MKLN1: variants seen among roughly 807,000 people sequenced by gnomAD.
MKLN1 encodes the protein muskelin 1, also known as muskelin.
A neutral mutation model predicts 99.0 loss-of-function variants in MKLN1; 18 were observed. The ratio of observed to expected loss-of-function variants is 0.18; its 90% CI spans 0.13 to 0.27. The LOEUF is 0.27. Ranked by LOEUF, MKLN1 falls within the 10% of genes least tolerant of loss-of-function variation. The pLI, the probability that MKLN1 is intolerant of heterozygous loss-of-function variation, is 1.00. For missense variants in MKLN1, 621 were observed against 875.9 expected, an observed-to-expected ratio of 0.71 and a Z score of 3.67; for synonymous variants, 288 against 293.2, an observed-to-expected ratio of 0.98 and a Z score of 0.18.
At chr7:131,291,584 A>C (rs1005392365) in intron 3 of MKLN1, among the ~76,000 whole-genome samples, 2 of 15,236 alleles carry the variant, frequency 1.3e-4, no homozygotes, top group African/African-American at 2.6e-4. Flanking sequence ...CATTTATTAT[A>C]TATATATATA....
At chr7:131,415,171 T>A (rs776060269) in intron 8 of MKLN1, among the ~76,000 whole-genome samples, 24 of 151,914 alleles carry the variant, frequency 1.6e-4, no homozygotes, top group Admixed American at 2.6e-4. Context: ...GCAAACTTTT[T>A]TTTAAGTTTC....
chr7:131,233,834 G>T (rs1797277031), intron 3 of MKLN1, among the ~76,000 whole-genome samples: 1 of 151,894 alleles, frequency 6.6e-6, no homozygotes, highest in African/African-American at 2.4e-5. Flanking sequence ...ACAAAAAGAG[G>T]AGAAGCCACA....
At chr7:131,389,735 A>T (rs1210321126) in intron 4 of MKLN1, among the ~76,000 whole-genome samples, 2 of 151,810 alleles carry the variant, frequency 1.3e-5, no homozygotes, top group African/African-American at 4.8e-5. Flanking sequence ...AATACAAAAA[A>T]AAATTTAGCT....
At chr7:131,149,551 T>A (rs1297678753) in intron 2 of MKLN1, among the ~76,000 whole-genome samples, 1 of 152,252 alleles carries the variant, frequency 6.6e-6, no homozygotes, top group Non-Finnish European at 1.5e-5. Context: ...ATATTTTCCT[T>A]TTCATTGCTG....
At chr7:131,271,618 TAAAA>T (rs757729397) in intron 3 of MKLN1, among the ~76,000 whole-genome samples, 1 of 102,334 alleles carries the variant, frequency 9.8e-6, no homozygotes, top group Non-Finnish European at 2.0e-5. Context: ...CTCCGTCTCC[TAAAA>T]AAAAAAAAAA....
At chr7:131,177,948 A>G (rs770889050) in intron 2 of MKLN1, among the ~76,000 whole-genome samples, 4 of 152,086 alleles carry the variant, frequency 2.6e-5, no homozygotes, top group Admixed American at 6.6e-5. Context: ...CTACTCTGTC[A>G]CCTTTAGTGT....
rs764426971 is a variant in MKLN1, at chr7:131,177,440, G to A, written c.-296-25417G>A. On this transcript the variant is annotated intron_variant, in intron 2 of 7. Coordinates refer to the MKLN1 transcript ENST00000416992. ...GCCAAGATTGTGCCACTGGACTCCAGCCTGGGTGACAGAGCGAGACTCCAT... is the reference window on the plus strand; with the variant it reads ...GCCAAGATTGTGCCACTGGACTCCAACCTGGGTGACAGAGCGAGACTCCAT... Among the ~76,000 whole-genome samples, 156 of 148,196 alleles carry A rather than the reference G, an allele frequency of 1.1e-3. 1 individual carries two copies. Among genetic ancestry groups the A allele is most frequent in the Non-Finnish European group, 1.2e-3 (81 of 67,558 alleles).
At chr7:131,138,900 T>C (rs952631586) in intron 1 of MKLN1, among the ~76,000 whole-genome samples, 1 of 152,228 alleles carries the variant, frequency 6.6e-6, no homozygotes, top group African/African-American at 2.4e-5. Flanking sequence ...CTGGAATGAT[T>C]ACAACTTAGA....
chr7:131,233,050 G>A (rs1315460044), intron 3 of MKLN1, among the ~76,000 whole-genome samples: 4 of 152,066 alleles, frequency 2.6e-5, no homozygotes, highest in Admixed American at 1.3e-4. Flanking sequence ...AATTCAAAAC[G>A]AAGTTTAGAC....
At chr7:131,139,213 A>C (rs1250100545) in intron 1 of MKLN1, among the ~76,000 whole-genome samples, 2 of 152,096 alleles carry the variant, frequency 1.3e-5, no homozygotes, top group African/African-American at 2.4e-5. Context: ...GAGGTCTGAA[A>C]CAGTACCCTG....
At chr7:131,446,941 A>G (rs753601645) in intron 12 of MKLN1, among the ~76,000 whole-genome samples, 1 of 152,232 alleles carries the variant, frequency 6.6e-6, no homozygotes, top group Non-Finnish European at 1.5e-5. Context: ...AGTAGACTCA[A>G]TAGATATGTT....
At chr7:131,217,374 G>T (rs1796998479) in intron 3 of MKLN1, among the ~76,000 whole-genome samples, 1 of 152,214 alleles carries the variant, frequency 6.6e-6, no homozygotes, top group African/African-American at 2.4e-5. Flanking sequence ...ATCCAGTTGG[G>T]CCGATTGTTG....
At chr7:131,352,136 A>G (rs1358595846) in intron 1 of MKLN1, among the ~76,000 whole-genome samples, 1 of 152,190 alleles carries the variant, frequency 6.6e-6, no homozygotes, top group East Asian at 1.9e-4. Flanking sequence ...AAAAGCATTT[A>G]TGAACATTAG....
At position 131,348,822 on chromosome 7, in the gene MKLN1, G is replaced by T. The variant is rs554911467; in HGVS notation, c.98+20825G>T. 1.3e-4 allele frequency among the ~76,000 whole-genome samples: 20 copies of T among 152,294 alleles called. No homozygotes were observed. The East Asian group carries it at 3.9e-3, about 29-fold the overall frequency. The stretch of plus-strand genomic sequence containing the variant: ...AACATGAAAGAATTGAGACAGTATG[G>T]TATAGAGAGAACACTGACCTAGGAC... On this transcript the variant is annotated intron_variant, in intron 1 of 17. Coordinates refer to ENST00000352689, the MANE Select transcript of MKLN1 (RefSeq NM_013255.5).
At chr7:131,122,815 A>G (rs1181862818) in intron 1 of MKLN1, among the ~76,000 whole-genome samples, 1 of 151,904 alleles carries the variant, frequency 6.6e-6, no homozygotes, top group Non-Finnish European at 1.5e-5. Context: ...AGGTCGGGAG[A>G]TGGAGACCAT....
intron 1 of MKLN1, among the ~76,000 whole-genome samples, chr7:131,120,581 A>C (rs1795353383): frequency 6.6e-6 from 1 of 151,756 alleles, no homozygotes; most frequent in Admixed American, 6.6e-5. Flanking sequence ...AAGAAAAGAA[A>C]ATTTTTCTGC....
At chr7:131,458,566 C>T (rs1414418636) in intron 12 of MKLN1, among the ~76,000 whole-genome samples, 1 of 152,118 alleles carries the variant, frequency 6.6e-6, no homozygotes, top group Non-Finnish European at 1.5e-5. Flanking sequence ...ATACAAGGCT[C>T]AAGAGTTAAT....
chr7:131,329,732 T>C (rs1283015455), intron 1 of MKLN1, among the ~76,000 whole-genome samples: 1 of 152,180 alleles, frequency 6.6e-6, no homozygotes, highest in Non-Finnish European at 1.5e-5. Flanking sequence ...AGGAAATGAT[T>C]TAGTGGGATG....
intron 9 of MKLN1, among the ~76,000 whole-genome samples, chr7:131,431,769 G>A (rs973618341): frequency 6.6e-6 from 1 of 152,042 alleles, no homozygotes; most frequent in Non-Finnish European, 1.5e-5. Context: ...GTAAAAACTC[G>A]AAATTTCTCA....
Sources: allele counts gnomAD v4.1 joint callset (sites outside exome capture counted in the v4.1 genomes callset), GRCh38; gene constraint gnomAD v4.1.1; transcripts MANE v1.5; gene names NCBI Gene and HGNC (gene_info 2026-07-23, HGNC 2026-07-21).